The following ELOVL7 variants were observed in gnomAD, a reference collection of about 807,000 sequenced individuals.
The protein encoded by ELOVL7 is very long chain fatty acid elongase 7.
A neutral mutation model predicts 35.7 loss-of-function variants in ELOVL7; 27 were observed. The ratio of observed to expected loss-of-function variants is 0.76; its 90% CI spans 0.56 to 1.04. The LOEUF (loss-of-function observed/expected upper bound fraction) is 1.04. Ranked by LOEUF, ELOVL7 falls within the 50% of genes least tolerant of loss-of-function variation. The pLI is 0.00. For synonymous variants in ELOVL7, 113 were observed against 114.6 expected, an observed-to-expected ratio of 0.99 and a Z score of 0.09; for missense variants, 327 against 340.8, an observed-to-expected ratio of 0.96 and a Z score of 0.32.
intron 4 of ELOVL7, among the ~76,000 whole-genome samples, chr5:60,771,042 CA>C (rs1742555475): frequency 6.6e-6 from 1 of 152,230 alleles, no homozygotes; most frequent in East Asian, 1.9e-4. Context: ...GGATCTGTAG[CA>C]AGAGTCAGGT....
chr5:60,843,608 G>A (rs954892011), intron 1 of ELOVL7: 1 of 152,328 alleles, frequency 6.6e-6, no homozygotes, highest in African/African-American at 2.4e-5. Context: ...AAAGGGGAAG[G>A]AAGGAAACAG....
chr5:60,785,805 C>G (rs1043812419), intron 3 of ELOVL7: 2 of 152,278 alleles, frequency 1.3e-5, no homozygotes, highest in African/African-American at 4.8e-5. Flanking sequence ...TGAAGCTTCT[C>G]TCTCTATGAG....
intron 4 of ELOVL7, 53 bp from the exon 5 acceptor site, chr5:60,767,956 CA>C: frequency 7.0e-7 from 1 of 1,421,844 alleles, no homozygotes; most frequent in Non-Finnish European, 9.9e-7. Flanking sequence ...CCAACAGCCA[CA>C]ACAAAGGTAG....
chr5:60,758,211 C>T (rs563675108), intron 7 of ELOVL7, among the ~76,000 whole-genome samples: 5 of 152,286 alleles, frequency 3.3e-5, no homozygotes, highest in Non-Finnish European at 7.4e-5. Context: ...AATGGAATTA[C>T]ACAGGATGTA....
intron 3 of ELOVL7, among the ~76,000 whole-genome samples, chr5:60,782,657 G>T (rs1743330026): frequency 2.0e-5 from 3 of 152,162 alleles, no homozygotes; most frequent in Non-Finnish European, 4.4e-5. Flanking sequence ...GTGACAATAT[G>T]GATGAACTTG....
intron 3 of ELOVL7, among the ~76,000 whole-genome samples, chr5:60,772,522 C>A (rs572175096): frequency 5.9e-5 from 9 of 152,158 alleles, no homozygotes; most frequent in Non-Finnish European, 1.3e-4. Flanking sequence ...ACTACCCAGT[C>A]TATGATAATT....
At chr5:60,828,054 A>G (rs997798278) in intron 1 of ELOVL7, among the ~76,000 whole-genome samples, 16 of 152,206 alleles carry the variant, frequency 1.1e-4, no homozygotes, top group African/African-American at 3.9e-4. Flanking sequence ...CGAGGCAGCA[A>G]TGTGAATCCC....
At chr5:60,807,659 C>A (rs1745006458) in intron 1 of ELOVL7, among the ~76,000 whole-genome samples, 1 of 151,970 alleles carries the variant, frequency 6.6e-6, no homozygotes, top group Non-Finnish European at 1.5e-5. Context: ...AAAGGAAATT[C>A]TCCAGAAGGG....
chr5:60,836,552 T>A (rs1366684469), intron 1 of ELOVL7, among the ~76,000 whole-genome samples: 1 of 152,084 alleles, frequency 6.6e-6, no homozygotes, highest in East Asian at 1.9e-4. Context: ...CACAGCACTG[T>A]CTGCCTGAAG....
intron 5 of ELOVL7, among the ~76,000 whole-genome samples, chr5:60,767,328 A>T (rs1742303683): frequency 6.6e-6 from 1 of 152,174 alleles, no homozygotes; most frequent in Non-Finnish European, 1.5e-5. Context: ...TCCTGAGCCC[A>T]GGCAATCCAC....
At chr5:60,811,499 AAAAT>A (rs1202543421) in intron 1 of ELOVL7, among the ~76,000 whole-genome samples, 3 of 152,230 alleles carry the variant, frequency 2.0e-5, no homozygotes, top group Admixed American at 2.0e-4. Flanking sequence ...GGTAAAAATA[AAAAT>A]AAATAAATAA....
intron 3 of ELOVL7, among the ~76,000 whole-genome samples, chr5:60,773,988 C>CTTA (rs1742755887): frequency 6.6e-6 from 1 of 152,186 alleles, no homozygotes; most frequent in South Asian, 2.1e-4. Context: ...TCTTATGAAA[C>CTTA]TAATGTTCTG....
intron 3 of ELOVL7, among the ~76,000 whole-genome samples, chr5:60,779,403 C>T (rs1403758518): frequency 1.3e-5 from 2 of 152,210 alleles, no homozygotes; most frequent in Non-Finnish European, 2.9e-5. Context: ...AGTTTCAATA[C>T]ATCCTCTGAA....
At chr5:60,784,095 T>A in intron 3 of ELOVL7, 1 of 1,366,920 alleles carries the variant, frequency 7.3e-7, no homozygotes, top group Non-Finnish European at 1.0e-6. Flanking sequence ...GCCACATACA[T>A]AGAATATTAA....
chr5:60,786,375 G>A (rs151043687), intron 3 of ELOVL7, among the ~76,000 whole-genome samples: 21 of 152,006 alleles, frequency 1.4e-4, no homozygotes, highest in South Asian at 6.2e-4. Flanking sequence ...ATATAACTAC[G>A]GAAATAAAAA....
chr5:60,817,768 AAC>A (rs1745612437), intron 1 of ELOVL7, among the ~76,000 whole-genome samples: 1 of 144,632 alleles, frequency 6.9e-6, no homozygotes, highest in Non-Finnish European at 1.5e-5. Flanking sequence ...ACCATATATA[AAC>A]ACACACACCA....
At position 60,840,132 on chromosome 5, in the gene ELOVL7, G is replaced by C. The variant is rs73759429; in HGVS notation, c.-86+4028C>G. Among the ~76,000 whole-genome samples, 1,048 of 152,280 alleles carry C rather than the reference G, an allele frequency of 6.9e-3. 14 individuals carry two copies. Among genetic ancestry groups the C allele is most frequent in the African/African-American group, 0.024 (1,001 of 41,554 alleles). On this transcript the variant is annotated intron_variant, in intron 1 of 8. Transcript: ENST00000508821. ...TTTGCCTAGAAATTATTTGCAGATA[G>C]GCGCTTTCTTTTATGCACATTTGAA...
chr5:60,756,471 GGTGA>G (rs1351966542), intron 8 of ELOVL7, among the ~76,000 whole-genome samples: 25 of 152,132 alleles, frequency 1.6e-4, no homozygotes, highest in Admixed American at 1.4e-3. Context: ...AAGAAGCAAT[GGTGA>G]GTAATTTTCA....
At chr5:60,827,440 C>T (rs572528809) in intron 1 of ELOVL7, among the ~76,000 whole-genome samples, 1 of 152,270 alleles carries the variant, frequency 6.6e-6, no homozygotes, top group African/African-American at 2.4e-5. Context: ...CCTATAAAAG[C>T]TGTCATGTCA....
Sources: gnomAD v4.1 joint callset for allele counts (sites outside exome capture counted in the v4.1 genomes callset) on GRCh38, gnomAD v4.1.1 for gene constraint, MANE v1.5 for transcripts, NCBI Gene and HGNC (gene_info 2026-07-23, HGNC 2026-07-21) for gene names.